Variants in PCLAF observed in about 807,000 individuals in gnomAD.
The protein encoded by PCLAF is PCNA-associated factor.
Under a neutral mutation model 15.1 loss-of-function variants are expected in PCLAF, and 12 were observed. The ratio of observed to expected loss-of-function variants is 0.79; its 90% confidence interval spans 0.51 to 1.29. The LOEUF (loss-of-function observed/expected upper bound fraction) is 1.29. Ranked by LOEUF, PCLAF falls within the 50% of genes most tolerant of loss-of-function variation. The pLI, the probability that PCLAF is intolerant of heterozygous loss-of-function variation, is 0.00. For synonymous variants in PCLAF, 33 were observed against 47.1 expected (o/e 0.70, Z 1.22); for missense variants, 116 against 130.9 (o/e 0.89, Z 0.56).
chr15:64,384,641 C>T (rs189935531), upstream of PCLAF, among the ~76,000 whole-genome samples: 62 of 150,302 alleles, frequency 4.1e-4, no homozygotes, highest in Middle Eastern at 6.8e-3. Flanking sequence ...ACTTGGGAGG[C>T]TGAGGCAGGA....
intron 2 of PCLAF, among the ~76,000 whole-genome samples, chr15:64,377,488 A>ATAT (rs1433390828): frequency 3.4e-5 from 1 of 29,316 alleles, no homozygotes; most frequent in African/African-American, 1.4e-4. Flanking sequence ...AAAAAAAAAA[A>ATAT]ATATATATAT....
At chr15:64,368,295 C>A (rs1300727934) in intron 3 of PCLAF, among the ~76,000 whole-genome samples, 1 of 151,868 alleles carries the variant, frequency 6.6e-6, no homozygotes, top group African/African-American at 2.4e-5. Context: ...GCCTGGGCAA[C>A]AAGAGCAAAA....
chr15:64,376,258 GT>G (rs1380807209), intron 3 of PCLAF, among the ~76,000 whole-genome samples: 1 of 151,964 alleles, frequency 6.6e-6, no homozygotes, highest in African/African-American at 2.4e-5. Flanking sequence ...TTGGGAGTGA[GT>G]TATAATAAGA....
upstream of PCLAF, among the ~76,000 whole-genome samples, chr15:64,385,556 C>T (rs1318239421): frequency 2.0e-5 from 3 of 151,318 alleles, no homozygotes; most frequent in South Asian, 2.1e-4. Flanking sequence ...ACCCGGGAGG[C>T]GGAGGTTGTG....
chr15:64,381,495 A>C (rs1281369123), upstream of PCLAF: 3 of 1,581,300 alleles, frequency 1.9e-6, no homozygotes, highest in East Asian at 6.8e-5. Flanking sequence ...GCGCGCTCCA[A>C]GGTCTCTCCC....
upstream of PCLAF, among the ~76,000 whole-genome samples, chr15:64,385,661 G>C (rs1277142899): frequency 6.6e-6 from 1 of 151,788 alleles, no homozygotes; most frequent in African/African-American, 2.4e-5. Flanking sequence ...AAAAGAAAAA[G>C]AAATACCTAG....
intron 2 of PCLAF, among the ~76,000 whole-genome samples, chr15:64,380,349 C>T (rs1899772427): frequency 6.6e-6 from 1 of 151,976 alleles, no homozygotes; most frequent in Non-Finnish European, 1.5e-5. Flanking sequence ...CACCGTTGCA[C>T]TGCAGCCTGG....
chr15:64,385,211 G>C (rs190446909), upstream of PCLAF, among the ~76,000 whole-genome samples: 263 of 152,178 alleles, frequency 1.7e-3, 4 homozygotes, highest in Admixed American at 0.015. Context: ...TCTGGAGGAC[G>C]TACTTATCAT....
rs1222744303 is a variant in PCLAF at position 64,364,994 on chromosome 15, T to TA, written c.*1035_*1036insT. ...CCACTGCACTCAGCCTTTTTTAAAA[T>TA]TTTTTTTTTTTTTTTTTTTGAGACG... On this transcript the variant is annotated 3_prime_UTR_variant, in exon 4 of 4. Coordinates refer to ENST00000300035, the MANE Select transcript of PCLAF (RefSeq NM_014736.6). The TA allele has an allele frequency of 6.0e-4, 2 of 3,352 alleles. No individual in the cohort carries two copies. Among genetic ancestry groups the TA allele is most frequent in the Admixed American group, 0.028 (2 of 72 alleles). The allele number at this position is 3,352 out of a possible 1,614,324, so 0.2% of individuals were successfully genotyped here.
upstream of PCLAF, among the ~76,000 whole-genome samples, chr15:64,386,041 C>A (rs1247102669): frequency 6.6e-6 from 1 of 152,130 alleles, no homozygotes; most frequent in Non-Finnish European, 1.5e-5. Context: ...CCTCATAGAT[C>A]TGTATCTATA....
rs1161738262 is a variant in PCLAF, at chr15:64,368,318, T to TA, written c.291-2244dup. Among the ~76,000 whole-genome samples the TA allele has an allele frequency of 3.7e-4, 56 of 151,566 alleles. 1 individual carries two copies. The East Asian group carries it at 9.7e-3, about 26-fold the overall frequency. ...AACAAGAGCAAAAACTCTGTCTCAG[T>TA]AAAAAAAACAAAAACAAAATAAGAT... is the stretch of plus-strand genomic sequence containing the variant. On this transcript the variant is annotated intron_variant, in intron 3 of 3. Coordinates refer to ENST00000300035, the MANE Select transcript of PCLAF (RefSeq NM_014736.6).
intron 2 of PCLAF, among the ~76,000 whole-genome samples, chr15:64,380,055 C>A (rs192438645): frequency 1.3e-5 from 2 of 152,136 alleles, no homozygotes. Flanking sequence ...TTTAAATAGC[C>A]TCTAACAATA....
At position 64,377,484 on chromosome 15, in the gene PCLAF, AAAAAATATATATATATATAT is replaced by A. The variant is rs1330551553; in HGVS notation, c.128-599_128-580del. 2.4e-4 allele frequency among the ~76,000 whole-genome samples: 10 copies of A among 41,552 alleles called. 1 individual carries two copies. Among genetic ancestry groups the A allele is most frequent in the South Asian group, 1.6e-3 (2 of 1,214 alleles). The allele number at this position is 41,552 out of a possible 152,430, so 27.3% of individuals were successfully genotyped here. A position where few individuals can be genotyped will look rare whatever the true frequency, so the allele number is the denominator to read the frequency against. The stretch of plus-strand genomic sequence containing the variant: ...AGACTCTGTCTCAAAAAAAAAAAAA[AAAAAATATATATATATATAT>A]ATATATATATATATATATATATATA... On this transcript the variant is annotated intron_variant, in intron 2 of 3. Coordinates refer to ENST00000300035, the MANE Select transcript of PCLAF (RefSeq NM_014736.6).
intron 3 of PCLAF, chr15:64,373,712 G>C (rs1005385339): frequency 7.2e-6 from 11 of 1,535,664 alleles, no homozygotes; most frequent in Non-Finnish European, 9.6e-6. Flanking sequence ...TTGGATCAGT[G>C]TGCCGTGTGT....
At chr15:64,376,655 G>A in intron 3 of PCLAF, 88 bp downstream of exon 3, 2 of 1,055,874 alleles carry the variant, frequency 1.9e-6, no homozygotes, top group South Asian at 1.6e-5. Flanking sequence ...CTGGCCTCAA[G>A]TGATCCTCCC....
At position 64,387,338 on chromosome 15, in the gene PCLAF, T is replaced by C. The variant is rs375411257; in HGVS notation, n.241+109A>G. 99 of 538,876 alleles carry C rather than the reference T, an allele frequency of 1.8e-4. No individual in the cohort carries two copies. In the East Asian group the frequency reaches 0.01, roughly 57 times the overall value. 33.4% of individuals were successfully genotyped at this position (538,876 alleles called of 1,614,324 possible). On this transcript the variant is annotated intron_variant and non_coding_transcript_variant, in intron 1 of 1. Transcript: ENST00000558250. ...CGGAGCTTGCAGTGAGCCGAGATCA[T>C]GCCACTGCACTCAAGCCTGGGCGAC...
chr15:64,367,159 C>T (rs1427093007), intron 3 of PCLAF, among the ~76,000 whole-genome samples: 1 of 151,790 alleles, frequency 6.6e-6, no homozygotes. Flanking sequence ...AAGAAAAACC[C>T]CAAAATTGTT....
upstream of PCLAF, chr15:64,382,468 G>GA (rs1899848753): frequency 6.4e-6 from 1 of 155,742 alleles, no homozygotes; most frequent in Admixed American, 6.3e-5. Flanking sequence ...GAAAAGAAAA[G>GA]AAAAAAGAAA....
At chr15:64,372,176 T>G (rs1899346149) in intron 3 of PCLAF, among the ~76,000 whole-genome samples, 1 of 152,232 alleles carries the variant, frequency 6.6e-6, no homozygotes. Flanking sequence ...CGTAACTAAA[T>G]CTGGCATTCT....
Sources: allele counts gnomAD v4.1 joint callset (sites outside exome capture counted in the v4.1 genomes callset), GRCh38; gene constraint gnomAD v4.1.1; transcripts MANE v1.5; gene names NCBI Gene and HGNC (gene_info 2026-07-23, HGNC 2026-07-21).